Variants in MORN5 observed in about 807,000 individuals in gnomAD.
The protein encoded by MORN5 is MORN repeat containing 5.
A neutral mutation model predicts 22.1 loss-of-function variants in MORN5; 21 were observed. The observed-to-expected ratio is 0.95, with a 90% confidence interval of 0.67 to 1.37. The LOEUF is 1.37. Among genes scored for constraint, MORN5 ranks in the 40% most tolerant of loss-of-function variants. The pLI, the probability that MORN5 is intolerant of heterozygous loss-of-function variation, is 0.00. For missense variants in MORN5, 211 were observed against 215.1 expected (o/e 0.98, Z 0.12); for synonymous variants, 73 against 74.0 (o/e 0.99, Z 0.07).
intron 4 of MORN5, among the ~76,000 whole-genome samples, chr9:122,191,616 A>G (rs1004971495): frequency 4.6e-5 from 7 of 152,038 alleles, no homozygotes; most frequent in African/African-American, 1.7e-4. Flanking sequence ...TACTCCCCAT[A>G]CCAGCCCCCT....
chr9:122,161,975 T>C (rs1178783337), intron 1 of MORN5, among the ~76,000 whole-genome samples: 1 of 152,220 alleles, frequency 6.6e-6, no homozygotes, highest in African/African-American at 2.4e-5. Flanking sequence ...TTTCACTTGT[T>C]ATACTTCTTT....
intron 1 of MORN5, among the ~76,000 whole-genome samples, chr9:122,161,588 A>G (rs1829200203): frequency 6.6e-6 from 1 of 152,216 alleles, no homozygotes; most frequent in African/African-American, 2.4e-5. Flanking sequence ...TTTGAACCCA[A>G]TCCTCTGTCC....
chr9:122,176,819 A>C (rs927132898), intron 4 of MORN5, among the ~76,000 whole-genome samples: 3 of 152,216 alleles, frequency 2.0e-5, no homozygotes, highest in African/African-American at 7.2e-5. Flanking sequence ...CGGAGGTTGT[A>C]GTGAGCCAAG....
chr9:122,164,761 AGAGG>A, intron 1 of MORN5: 3 of 258,232 alleles, frequency 1.2e-5, no homozygotes, highest in Non-Finnish European at 1.8e-5. Context: ...GGGAAGGAGA[AGAGG>A]AATTCTCCCT....
At chr9:122,191,691 C>G (rs775569672) in intron 4 of MORN5, among the ~76,000 whole-genome samples, 2 of 152,264 alleles carry the variant, frequency 1.3e-5, no homozygotes, top group African/African-American at 4.8e-5. Flanking sequence ...CAAAGGCGTG[C>G]GAAGAGCAGG....
At chr9:122,177,694 A>G (rs1829474452) in intron 4 of MORN5, among the ~76,000 whole-genome samples, 1 of 152,126 alleles carries the variant, frequency 6.6e-6, no homozygotes, top group South Asian at 2.1e-4. Flanking sequence ...CGGCCTCCCA[A>G]AGTGCTGGAA....
chr9:122,175,964 A>G (rs556995608), intron 4 of MORN5, among the ~76,000 whole-genome samples: 1 of 152,184 alleles, frequency 6.6e-6, no homozygotes, highest in East Asian at 1.9e-4. Flanking sequence ...AATGCAAAAA[A>G]TTAGCCGGGT....
chr9:122,173,330 G>A lies in MORN5; in HGVS notation c.308-1166G>A, dbSNP rs570955393. ...GTTAAAAGTGCCCCGCGACCTCTTC[G>A]AGCATCTGTGAGATGGGCATTGGCA... On this transcript the variant is annotated intron_variant, in intron 3 of 4. Coordinates refer to ENST00000373764, the MANE Select transcript of MORN5 (RefSeq NM_198469.4). 9.2e-4 allele frequency among the ~76,000 whole-genome samples: 140 copies of A among 152,318 alleles called. 1 individual carries two copies. Among genetic ancestry groups the A allele is most frequent in the African/African-American group, 3.1e-3 (128 of 41,576 alleles).
intron 1 of MORN5, among the ~76,000 whole-genome samples, chr9:122,164,989 G>A (rs1588300418): frequency 6.6e-6 from 1 of 152,144 alleles, no homozygotes; most frequent in South Asian, 2.1e-4. Flanking sequence ...AGGAGCTGAG[G>A]ATACCAAAGT....
At chr9:122,162,045 G>A (rs866198324) in intron 1 of MORN5, among the ~76,000 whole-genome samples, 1 of 152,202 alleles carries the variant, frequency 6.6e-6, no homozygotes, top group East Asian at 1.9e-4. Context: ...CAGTTAACTA[G>A]AATTCTATTT....
At chr9:122,164,598 G>A (rs958555533) in intron 1 of MORN5, 1 of 985,682 alleles carries the variant, frequency 1.0e-6, no homozygotes, top group Non-Finnish European at 1.2e-6. Flanking sequence ...TCTGTTTTAG[G>A]CGAGTTGGAG....
rs892296448 is a variant in MORN5, at chr9:122,164,490, C to G, written c.48-2278C>G. 10 of 863,760 alleles carry G rather than the reference C, an allele frequency of 1.2e-5. No individual in the cohort carries two copies. In the African/African-American group the frequency reaches 1.5e-4, roughly 13 times the overall value. The allele number at this position is 863,760 out of a possible 1,614,324, so 53.5% of individuals were successfully genotyped here. On this transcript the variant is annotated intron_variant, in intron 1 of 4. Coordinates refer to ENST00000373764, the MANE Select transcript of MORN5 (RefSeq NM_198469.4). Reference sequence around the variant, plus strand: ...CCAGAGATGGCTTACAGCCCCAGCCCTGGGCCCAGCTCCTGGCCTTGAACC... The same window carrying G: ...CCAGAGATGGCTTACAGCCCCAGCCGTGGGCCCAGCTCCTGGCCTTGAACC...
intron 4 of MORN5, among the ~76,000 whole-genome samples, chr9:122,179,260 T>C (rs1588306892): frequency 6.6e-6 from 1 of 151,850 alleles, no homozygotes; most frequent in African/African-American, 2.4e-5. Context: ...ATGGGCGGGG[T>C]GAGGACAAAG....
Position 122,159,911 on chromosome 9 carries a change from A to C in MORN5, c.-62A>C. The C allele has an allele frequency of 1.3e-6, 2 of 1,557,816 alleles. No homozygotes were observed. On this transcript the variant is annotated 5_prime_UTR_variant, in exon 1 of 5. Coordinates refer to ENST00000373764, the MANE Select transcript of MORN5 (RefSeq NM_198469.4). ...GCTCCGCCCACCCCTCCAGGTTGTCATAGTGATGCCGTATCCACTGAGACT... is the reference window on the plus strand; with the variant it reads ...GCTCCGCCCACCCCTCCAGGTTGTCCTAGTGATGCCGTATCCACTGAGACT...
intron 4 of MORN5, among the ~76,000 whole-genome samples, chr9:122,194,570 A>G (rs1029854896): frequency 5.9e-5 from 9 of 152,282 alleles, no homozygotes; most frequent in East Asian, 1.9e-4. Context: ...GTTGATGGCA[A>G]TTGACACAAG....
intron 4 of MORN5, among the ~76,000 whole-genome samples, chr9:122,184,576 T>A (rs1367629331): frequency 6.6e-6 from 1 of 152,232 alleles, no homozygotes; most frequent in Admixed American, 6.5e-5. Flanking sequence ...TATACAAAGG[T>A]ATCCATATTT....
At chr9:122,194,479 G>C (rs1315489159) in intron 4 of MORN5, among the ~76,000 whole-genome samples, 1 of 152,208 alleles carries the variant, frequency 6.6e-6, no homozygotes, top group Admixed American at 6.5e-5. Context: ...TGTGAGTGGA[G>C]GCGGTTAGAT....
intron 3 of MORN5, among the ~76,000 whole-genome samples, chr9:122,173,364 T>G (rs1829394094): frequency 6.6e-6 from 1 of 152,212 alleles, no homozygotes; most frequent in South Asian, 2.1e-4. Context: ...CATGAGGCTT[T>G]GGTGAGAGAA....
intron 4 of MORN5, among the ~76,000 whole-genome samples, chr9:122,182,644 G>A (rs751998210): frequency 7.9e-5 from 12 of 152,290 alleles, no homozygotes; most frequent in Non-Finnish European, 1.0e-4. Flanking sequence ...CCAGCTACTC[G>A]GGAGGCTGAG....
Sources: gnomAD v4.1 joint callset for allele counts (sites outside exome capture counted in the v4.1 genomes callset) on GRCh38, gnomAD v4.1.1 for gene constraint, MANE v1.5 for transcripts, NCBI Gene and HGNC (gene_info 2026-07-23, HGNC 2026-07-21) for gene names.